CACNA2D3: variants seen among roughly 807,000 people sequenced by gnomAD.
CACNA2D3 encodes voltage-dependent calcium channel subunit alpha-2/delta-3.
CACNA2D3 carries 60 observed loss-of-function variants against 160.6 expected under a neutral mutation model. That is an observed-to-expected ratio of 0.37 (90% CI 0.30 to 0.46). The LOEUF (loss-of-function observed/expected upper bound fraction) is 0.46, where lower values mean the gene tolerates loss of function less well. Ranked by LOEUF, CACNA2D3 falls within the 20% of genes least tolerant of loss-of-function variation. The probability of loss-of-function intolerance (pLI) is 1.00; values close to 1 mark genes in which losing one functional copy is unlikely to be tolerated. For missense variants in CACNA2D3, 1,205 were observed against 1,365.0 expected (o/e 0.88, Z 1.85); for synonymous variants, 558 against 492.9 (o/e 1.13, Z -1.75).
At chr3:55,012,570 C>T (rs142131308) in intron 34 of CACNA2D3, among the ~76,000 whole-genome samples, 314 of 152,224 alleles carry the variant, frequency 2.1e-3, no homozygotes, top group African/African-American at 7.0e-3. Flanking sequence ...GAATGCCATT[C>T]ACTATGATCT....
intron 35 of CACNA2D3, among the ~76,000 whole-genome samples, chr3:55,041,393 T>A (rs1160382492): frequency 6.6e-6 from 1 of 152,228 alleles, no homozygotes; most frequent in Non-Finnish European, 1.5e-5. Flanking sequence ...TGTATGCAAG[T>A]ACCTGTTACT....
intron 10 of CACNA2D3, among the ~76,000 whole-genome samples, chr3:54,636,660 A>C (rs1204904764): frequency 2.6e-5 from 4 of 152,020 alleles, no homozygotes; most frequent in African/African-American, 7.3e-5. Context: ...CTCTTGTGTA[A>C]GAATTCTGAC....
At chr3:54,622,894 T>C (rs1301292743) in intron 9 of CACNA2D3, among the ~76,000 whole-genome samples, 4 of 152,120 alleles carry the variant, frequency 2.6e-5, no homozygotes, top group African/African-American at 7.2e-5. Context: ...GCCTGCTGTG[T>C]ATAAAGTGCT....
chr3:54,603,583 C>G (rs1004361284), intron 9 of CACNA2D3, among the ~76,000 whole-genome samples: 1 of 152,166 alleles, frequency 6.6e-6, no homozygotes, highest in African/African-American at 2.4e-5. Flanking sequence ...GTTGTATGGT[C>G]TAAGCTGGCA....
chr3:54,263,837 T>C, intron 2 of CACNA2D3, among the ~76,000 whole-genome samples: 1 of 152,232 alleles, frequency 6.6e-6, no homozygotes, highest in African/African-American at 2.4e-5. Flanking sequence ...GCATGATGTC[T>C]GTACCTGGCA....
At chr3:55,040,533 T>C (rs903145451) in intron 35 of CACNA2D3, among the ~76,000 whole-genome samples, 4 of 152,100 alleles carry the variant, frequency 2.6e-5, no homozygotes, top group Non-Finnish European at 5.9e-5. Context: ...TTTAAAGTCA[T>C]TTAAAGCGGA....
At chr3:54,705,668 A>G (rs768240365) in intron 11 of CACNA2D3, among the ~76,000 whole-genome samples, 20 of 152,172 alleles carry the variant, frequency 1.3e-4, no homozygotes, top group Non-Finnish European at 2.5e-4. Flanking sequence ...GGGCCTCCCA[A>G]TGTTCCTATA....
intron 4 of CACNA2D3, among the ~76,000 whole-genome samples, chr3:54,426,560 C>A (rs1699915142): frequency 6.6e-6 from 1 of 152,190 alleles, no homozygotes; most frequent in Non-Finnish European, 1.5e-5. Flanking sequence ...TCTTCCCTGG[C>A]AATATTAATG....
intron 11 of CACNA2D3, among the ~76,000 whole-genome samples, chr3:54,657,359 T>C (rs1171392185): frequency 6.6e-6 from 1 of 152,212 alleles, no homozygotes; most frequent in East Asian, 1.9e-4. Flanking sequence ...CCTTCTTTTT[T>C]GTTTTGTTTT....
chr3:54,174,214 T>A (rs1209410547), intron 2 of CACNA2D3, among the ~76,000 whole-genome samples: 1 of 152,156 alleles, frequency 6.6e-6, no homozygotes, highest in Non-Finnish European at 1.5e-5. Flanking sequence ...TTGGCCATAG[T>A]TTGCTGATCC....
intron 13 of CACNA2D3, among the ~76,000 whole-genome samples, chr3:54,794,638 C>G (rs553890815): frequency 1.4e-5 from 2 of 147,464 alleles, no homozygotes; most frequent in Admixed American, 1.4e-4. Context: ...AGCATTTCTA[C>G]TTTGCCTTCT....
At chr3:54,856,188 G>A (rs536796118) in intron 17 of CACNA2D3, among the ~76,000 whole-genome samples, 1 of 152,318 alleles carries the variant, frequency 6.6e-6, no homozygotes, top group South Asian at 2.1e-4. Context: ...GAAAACCCAT[G>A]TGTAGGAAAT....
At chr3:54,597,727 G>C (rs1380680368) in intron 9 of CACNA2D3, among the ~76,000 whole-genome samples, 5 of 152,128 alleles carry the variant, frequency 3.3e-5, no homozygotes, top group Admixed American at 3.3e-4. Context: ...AGGAACCCTA[G>C]ATCCCGAGTT....
At chr3:54,502,035 C>G (rs1003125082) in intron 4 of CACNA2D3, among the ~76,000 whole-genome samples, 4 of 152,160 alleles carry the variant, frequency 2.6e-5, no homozygotes, top group African/African-American at 9.7e-5. Context: ...GATTCTCCCA[C>G]CCTCTTTCTG....
intron 4 of CACNA2D3, among the ~76,000 whole-genome samples, chr3:54,422,591 C>T (rs1699854203): frequency 1.3e-5 from 2 of 152,002 alleles, no homozygotes; most frequent in Admixed American, 1.3e-4. Flanking sequence ...AGAAAAGATG[C>T]TCAATCTCAT....
rs66526065 is a variant in CACNA2D3 at position 54,554,870 on chromosome 3, C to CTTTTTTTTTTTTTTTTTTTTTTT, written c.545-7909_545-7908insTTTTTTTTTTTTTTTTTTTTTTT. On this transcript the variant is annotated intron_variant, in intron 5 of 37. Coordinates refer to ENST00000474759, the MANE Select transcript of CACNA2D3 (RefSeq NM_018398.3). ...TTTCTTTTCTTTTCTCTCTCACTCT[C>CTTTTTTTTTTTTTTTTTTTTTTT]TTTTTTTTTTTTTTTTTTTTTGGAG... Among the ~76,000 whole-genome samples, 32 of 96,138 alleles carry CTTTTTTTTTTTTTTTTTTTTTTT rather than the reference C, an allele frequency of 3.3e-4. 4 individuals carry two copies. The highest frequency in any genetic ancestry group is 7.2e-4 in the African/African-American group (17 of 23,616). 63.1% of individuals were successfully genotyped at this position (96,138 alleles called of 152,430 possible).
At chr3:54,717,203 A>T (rs996110310) in intron 11 of CACNA2D3, among the ~76,000 whole-genome samples, 1 of 152,102 alleles carries the variant, frequency 6.6e-6, no homozygotes, top group Admixed American at 6.6e-5. Flanking sequence ...TGGTATGGAC[A>T]TATCATTATT....
chr3:54,223,938 T>C (rs1701621322), intron 2 of CACNA2D3, among the ~76,000 whole-genome samples: 1 of 152,184 alleles, frequency 6.6e-6, no homozygotes, highest in South Asian at 2.1e-4. Context: ...AGCTTAAATA[T>C]TTGAAGCTTT....
rs146831700 is a variant in CACNA2D3, at chr3:54,875,859, C to G, written c.1711-3159C>G. 7 of 152,288 alleles carry G rather than the reference C, an allele frequency of 4.6e-5. No individual in the cohort carries two copies. The East Asian group carries it at 1.3e-3, about 29-fold the overall frequency. 9.4% of individuals were successfully genotyped at this position (152,288 alleles called of 1,614,324 possible). A position where few individuals can be genotyped will look rare whatever the true frequency, so the allele number is the denominator to read the frequency against. ...TATTTTCAGCTTGAGGAGATTTTAC[C>G]TTTTATTTTATTGAGTACACTGTGG... is the stretch of plus-strand genomic sequence containing the variant. On this transcript the variant is annotated intron_variant, in intron 18 of 37. Coordinates refer to ENST00000474759, the MANE Select transcript of CACNA2D3 (RefSeq NM_018398.3).
Sources: allele counts gnomAD v4.1 joint callset (sites outside exome capture counted in the v4.1 genomes callset), GRCh38; gene constraint gnomAD v4.1.1; transcripts MANE v1.5; gene names NCBI Gene and HGNC (gene_info 2026-07-23, HGNC 2026-07-21).